NCAM1: variants seen among roughly 807,000 people sequenced by gnomAD.
NCAM1 encodes neural cell adhesion molecule 1, also known as antigen recognized by monoclonal antibody 5.1H11.
Under a neutral mutation model 109.8 loss-of-function variants are expected in NCAM1, and 14 were observed. The ratio of observed to expected loss-of-function variants is 0.13; its 90% CI spans 0.08 to 0.20. NCAM1 has a LOEUF of 0.20. Ranked by LOEUF, NCAM1 falls within the 10% of genes least tolerant of loss-of-function variation. The pLI is 1.00. For synonymous variants in NCAM1, 418 were observed against 442.9 expected (o/e 0.94, Z 0.70); for missense variants, 774 against 1,109.9 (o/e 0.70, Z 4.30).
intron 17 of NCAM1, chr11:113,264,399 G>C: frequency 1.4e-5 from 14 of 985,390 alleles, no homozygotes; most frequent in Non-Finnish European, 1.6e-5. Context: ...AGACATCAGA[G>C]GCTCCATGCT....
At chr11:113,025,722 A>C (rs1474292226) in intron 1 of NCAM1, among the ~76,000 whole-genome samples, 3 of 102,010 alleles carry the variant, frequency 2.9e-5, no homozygotes, top group African/African-American at 7.2e-5. Context: ...CATCTCACAA[A>C]AAAAAAAAAA....
At chr11:113,225,796 G>T (rs1944826173) in intron 9 of NCAM1, among the ~76,000 whole-genome samples, 1 of 152,206 alleles carries the variant, frequency 6.6e-6, no homozygotes, top group South Asian at 2.1e-4. Flanking sequence ...TTAAAGAAAA[G>T]AATTTTCAAC....
chr11:113,268,780 A>G (rs1245208649), intron 17 of NCAM1, among the ~76,000 whole-genome samples: 5 of 152,170 alleles, frequency 3.3e-5, no homozygotes, highest in Admixed American at 6.5e-5. Flanking sequence ...TCTATCTGGC[A>G]TGTTACATGG....
intron 1 of NCAM1, among the ~76,000 whole-genome samples, chr11:113,055,377 A>C (rs1555082370): frequency 6.6e-6 from 1 of 152,234 alleles, no homozygotes; most frequent in African/African-American, 2.4e-5. Flanking sequence ...GCAAAAGTAG[A>C]AAATGGTCAA....
chr11:113,073,407 T>A (rs1220725334), intron 1 of NCAM1, among the ~76,000 whole-genome samples: 1 of 152,346 alleles, frequency 6.6e-6, no homozygotes, highest in African/African-American at 2.4e-5. Context: ...AAAAGTTATC[T>A]TTGAAATTTA....
intron 1 of NCAM1, among the ~76,000 whole-genome samples, chr11:112,995,651 T>C (rs1951572689): frequency 6.6e-6 from 1 of 152,228 alleles, no homozygotes; most frequent in Admixed American, 6.5e-5. Context: ...GAAGGAGTGA[T>C]TTTATAATGT....
rs75343099 is a variant in NCAM1 at position 113,185,333 on chromosome 11, T to G, written c.53-17046T>G. Among the ~76,000 whole-genome samples, 467 of 152,078 alleles carry G rather than the reference T, an allele frequency of 3.1e-3. 13 individuals are homozygous for G. The East Asian group carries it at 0.068, about 22-fold the overall frequency. On this transcript the variant is annotated intron_variant, in intron 1 of 19. Transcript: ENST00000316851. ...TAGTCAAGCCGAAAGAAAGAACTAT[T>G]TATTAATCAGTCTTTTATTTTATTG... is the stretch of plus-strand genomic sequence containing the variant.
chr11:113,219,304 C>T (rs557294519), intron 8 of NCAM1, among the ~76,000 whole-genome samples: 20 of 152,292 alleles, frequency 1.3e-4, no homozygotes, highest in Non-Finnish European at 1.0e-4. Flanking sequence ...AGTACAAACC[C>T]AGGGCCCGCT....
chr11:113,215,303 C>T (rs782598712), intron 8 of NCAM1, among the ~76,000 whole-genome samples: 1 of 152,060 alleles, frequency 6.6e-6, no homozygotes. Flanking sequence ...TTTAATGCAA[C>T]TTAAACCGTC....
intron 1 of NCAM1, among the ~76,000 whole-genome samples, chr11:113,029,359 G>A (rs1399235555): frequency 1.3e-5 from 2 of 152,146 alleles, no homozygotes; most frequent in African/African-American, 2.4e-5. Flanking sequence ...TTTAACAGAA[G>A]GCTCTATGTT....
At chr11:113,143,919 TAAAC>T (rs1213823117) in intron 1 of NCAM1, among the ~76,000 whole-genome samples, 1 of 152,180 alleles carries the variant, frequency 6.6e-6, no homozygotes, top group Admixed American at 6.5e-5. Flanking sequence ...ACAGAAAACA[TAAAC>T]AAGTAGAGAT....
chr11:112,994,208 A>G (rs192536861), intron 1 of NCAM1, among the ~76,000 whole-genome samples: 50 of 152,312 alleles, frequency 3.3e-4, no homozygotes, highest in Non-Finnish European at 8.8e-5. Context: ...TAGATATCTG[A>G]TAGTATCTTT....
At chr11:113,200,368 C>G (rs1448204242) in intron 1 of NCAM1, among the ~76,000 whole-genome samples, 2 of 152,166 alleles carry the variant, frequency 1.3e-5, no homozygotes, top group Admixed American at 1.3e-4. Flanking sequence ...TTGTAAGGCT[C>G]CATGCTCCCC....
intron 1 of NCAM1, among the ~76,000 whole-genome samples, chr11:113,042,481 G>C (rs1555080109): frequency 6.6e-6 from 1 of 152,082 alleles, no homozygotes; most frequent in Non-Finnish European, 1.5e-5. Context: ...TTCTTCACTT[G>C]TTCCCAGTCC....
intron 1 of NCAM1, among the ~76,000 whole-genome samples, chr11:113,155,239 C>T (rs1038590677): frequency 8.6e-5 from 13 of 152,032 alleles, no homozygotes; most frequent in East Asian, 5.8e-4. Context: ...ATGGCTTGGC[C>T]GGGCATGGTG....
At chr11:113,167,204 A>G (rs998537623) in intron 1 of NCAM1, among the ~76,000 whole-genome samples, 4 of 152,210 alleles carry the variant, frequency 2.6e-5, no homozygotes, top group Admixed American at 6.5e-5. Flanking sequence ...ACTCTTCATC[A>G]CTGGCCTTCA....
chr11:113,134,732 A>G (rs2136148630), intron 1 of NCAM1, among the ~76,000 whole-genome samples: 1 of 152,018 alleles, frequency 6.6e-6, no homozygotes. Flanking sequence ...TCACCCTCAC[A>G]CTGGAATGAT....
At chr11:113,090,353 G>A (rs1939285544) in intron 1 of NCAM1, among the ~76,000 whole-genome samples, 1 of 152,126 alleles carries the variant, frequency 6.6e-6, no homozygotes, top group South Asian at 2.1e-4. Flanking sequence ...GAGAAGTTTT[G>A]CATCACTGAA....
chr11:113,221,186 A>G, intron 8 of NCAM1, 110 bp from the exon 9 acceptor site: 1 of 1,119,406 alleles, frequency 8.9e-7, no homozygotes. Context: ...AAAGTTCTGA[A>G]TTAAAGAAAA....
Sources: allele counts gnomAD v4.1 joint callset (sites outside exome capture counted in the v4.1 genomes callset), GRCh38; gene constraint gnomAD v4.1.1; transcripts MANE v1.5; gene names NCBI Gene and HGNC (gene_info 2026-07-23, HGNC 2026-07-21).